UBQLN1: variants seen among roughly 807,000 people sequenced by gnomAD.
The protein encoded by UBQLN1 is ubiquilin-1.
In UBQLN1, 13 loss-of-function variants were observed where a neutral mutation model predicts 65.4. That is an observed-to-expected ratio of 0.20 (90% CI 0.13 to 0.32). UBQLN1 has a LOEUF of 0.32. Among genes scored for constraint, UBQLN1 ranks in the 10% least tolerant of loss-of-function variants. UBQLN1 has a pLI of 1.00. For synonymous variants in UBQLN1, 267 were observed against 247.8 expected (o/e 1.08, Z -0.73); for missense variants, 561 against 724.0 (o/e 0.77, Z 2.58).
At chr9:83,694,166 C>A (rs1587659025) in intron 1 of UBQLN1, among the ~76,000 whole-genome samples, 1 of 152,308 alleles carries the variant, frequency 6.6e-6, no homozygotes, top group Middle Eastern at 3.4e-3. Context: ...GGGAATCAAC[C>A]TATCCAAAAG....
At chr9:83,697,436 C>G (rs965588071) in intron 1 of UBQLN1, among the ~76,000 whole-genome samples, 1 of 150,386 alleles carries the variant, frequency 6.6e-6, no homozygotes, top group Non-Finnish European at 1.5e-5. Context: ...CCTGTAATCC[C>G]AGCTACTCAG....
rs1385601646 is a variant in UBQLN1 at position 83,677,840 on chromosome 9, C to T, written c.992G>A (p.Ser331Asn). The T allele has an allele frequency of 2.5e-6, 4 of 1,614,158 alleles. No individual in the cohort carries two copies. The highest frequency in any genetic ancestry group is 2.2e-5 in the East Asian group (1 of 44,874). The change falls in exon 6 of 11, where the codon AGT (serine) becomes AAT (asparagine). Residue 331 changes from serine to asparagine, a missense_variant. Coordinates refer to ENST00000376395, the MANE Select transcript of UBQLN1 (RefSeq NM_013438.5). ...PNPWAPQTSQ[S>N]SSASSGTAST... ...GGCAGTGCCGCTGGAAGCTGATGAA[C>T]TCTGGGAAGTCTGTGGAGCCCATGG...
chr9:83,705,831 TG>T (rs1205311180), intron 1 of UBQLN1, among the ~76,000 whole-genome samples: 1 of 150,566 alleles, frequency 6.6e-6, no homozygotes, highest in African/African-American at 2.5e-5. Flanking sequence ...TTATGCTGAG[TG>T]GGAAAAAAAA....
intron 1 of UBQLN1, among the ~76,000 whole-genome samples, chr9:83,702,426 T>A (rs996484370): frequency 1.3e-5 from 2 of 152,174 alleles, no homozygotes; most frequent in Non-Finnish European, 2.9e-5. Context: ...CACAGACATT[T>A]TTTTTCTCAG....
At chr9:83,690,557 G>A (rs1378895283) in intron 1 of UBQLN1, among the ~76,000 whole-genome samples, 1 of 152,096 alleles carries the variant, frequency 6.6e-6, no homozygotes, top group African/African-American at 2.4e-5. Context: ...AGTTTTAAAA[G>A]TTGGCTGTGA....
intron 6 of UBQLN1, 58 bp downstream of exon 6, chr9:83,677,669 G>A (rs1370124345): frequency 1.6e-6 from 2 of 1,271,068 alleles, no homozygotes; most frequent in African/African-American, 1.5e-5. Context: ...TATAAACAAT[G>A]TTTTAATTAT....
chr9:83,669,177 A>C lies in UBQLN1; in HGVS notation c.1248+8T>G, dbSNP rs949578630. Reference sequence around the variant, plus strand: ...GCACAGTCTTTTTCAATACAATTACAAACTCACCTGTGCAGCAAGGTCAGG... The same window carrying C: ...GCACAGTCTTTTTCAATACAATTACCAACTCACCTGTGCAGCAAGGTCAGG... On this transcript the variant is annotated splice_region_variant and intron_variant, in intron 7 of 10. Transcript: ENST00000376395. The C allele has an allele frequency of 1.2e-6, 2 of 1,601,632 alleles. No homozygotes were observed. Among genetic ancestry groups the C allele is most frequent in the African/African-American group, 2.7e-5 (2 of 73,992 alleles).
At chr9:83,670,046 T>C (rs2131147533) in intron 6 of UBQLN1, among the ~76,000 whole-genome samples, 1 of 152,330 alleles carries the variant, frequency 6.6e-6, no homozygotes, top group South Asian at 2.1e-4. Flanking sequence ...ATTATTGTTT[T>C]TCCTTTTATT....
At chr9:83,677,500 T>A (rs1831854147) in intron 6 of UBQLN1, among the ~76,000 whole-genome samples, 1 of 152,172 alleles carries the variant, frequency 6.6e-6, no homozygotes, top group Non-Finnish European at 1.5e-5. Flanking sequence ...AGGAAGAGGT[T>A]GCGGTGAGCT....
At chr9:83,665,978 T>TA in intron 8 of UBQLN1, among the ~76,000 whole-genome samples, 1 of 152,248 alleles carries the variant, frequency 6.6e-6, no homozygotes, top group African/African-American at 2.4e-5. Flanking sequence ...TAAAATAGAA[T>TA]AGGGTAGCTC....
At chr9:83,684,517 C>G (rs1396201292) in intron 2 of UBQLN1, among the ~76,000 whole-genome samples, 2 of 151,948 alleles carry the variant, frequency 1.3e-5, no homozygotes, top group Non-Finnish European at 2.9e-5. Flanking sequence ...AGTATTATCT[C>G]TAAAAGGAAA....
chr9:83,704,689 G>A (rs1055907484), intron 1 of UBQLN1, among the ~76,000 whole-genome samples: 42 of 151,946 alleles, frequency 2.8e-4, no homozygotes, highest in African/African-American at 1.0e-3. Flanking sequence ...GCCGGGTGTG[G>A]TGTGGCATGC....
At chr9:83,679,741 T>C (rs2131160915) in intron 4 of UBQLN1, 34 bp downstream of exon 4, 7 of 1,601,876 alleles carry the variant, frequency 4.4e-6, no homozygotes, top group Non-Finnish European at 6.0e-6. Flanking sequence ...ATATCATTTT[T>C]TAGCTAAACG....
chr9:83,673,828 G>A (rs888793602), intron 6 of UBQLN1, among the ~76,000 whole-genome samples: 1 of 152,122 alleles, frequency 6.6e-6, no homozygotes, highest in South Asian at 2.1e-4. Context: ...TTGAGACAGG[G>A]TCTTGCTCTG....
At chr9:83,684,810 C>CAAA (rs199680794) in intron 2 of UBQLN1, among the ~76,000 whole-genome samples, 2 of 64,196 alleles carry the variant, frequency 3.1e-5, no homozygotes, top group Admixed American at 1.8e-4. Context: ...AATTCCGTCT[C>CAAA]AAAAAAAAAA....
chr9:83,693,428 C>T (rs549277277), intron 1 of UBQLN1, among the ~76,000 whole-genome samples: 7 of 152,172 alleles, frequency 4.6e-5, no homozygotes, highest in East Asian at 3.9e-4. Context: ...ACTGTCCAGA[C>T]TCTCAAGGTA....
rs1022089227 is a variant in UBQLN1, at chr9:83,660,955, A to G, written c.*832T>C. On this transcript the variant is annotated 3_prime_UTR_variant, in exon 11 of 11. Coordinates refer to ENST00000376395, the MANE Select transcript of UBQLN1 (RefSeq NM_013438.5). ...GGAGAAGCTGAGAAGTCCTAGGCAA[A>G]TGCACTTTGGGGTATACTACAGTGT... 1.3e-5 allele frequency: 2 copies of G among 152,450 alleles called. No individual in the cohort carries two copies. Among genetic ancestry groups the G allele is most frequent in the Non-Finnish European group, 2.9e-5 (2 of 68,038 alleles). 9.4% of individuals were successfully genotyped at this position (152,450 alleles called of 1,614,324 possible).
intron 1 of UBQLN1, among the ~76,000 whole-genome samples, chr9:83,695,087 T>C (rs1832187547): frequency 6.6e-6 from 1 of 152,108 alleles, no homozygotes; most frequent in Non-Finnish European, 1.5e-5. Flanking sequence ...TTGACCCCAT[T>C]TGCTTAACAA....
chr9:83,688,822 T>C (rs371771211), intron 1 of UBQLN1, among the ~76,000 whole-genome samples: 25 of 151,820 alleles, frequency 1.6e-4, no homozygotes, highest in Non-Finnish European at 1.3e-4. Context: ...GATTGCACCA[T>C]TGCACTCCAG....
Sources: gnomAD v4.1 joint callset for allele counts (sites outside exome capture counted in the v4.1 genomes callset) on GRCh38, gnomAD v4.1.1 for gene constraint, MANE v1.5 for transcripts, NCBI Gene and HGNC (gene_info 2026-07-23, HGNC 2026-07-21) for gene names.